HCN1: variants seen among roughly 807,000 people sequenced by gnomAD.
The protein encoded by HCN1 is hyperpolarization activated cyclic nucleotide gated potassium channel 1.
A neutral mutation model predicts 78.9 loss-of-function variants in HCN1; 13 were observed. The ratio of observed to expected loss-of-function variants is 0.16; its 90% CI spans 0.11 to 0.26. The LOEUF is 0.26. Among genes scored for constraint, HCN1 ranks in the 10% least tolerant of loss-of-function variants. HCN1 has a pLI of 1.00. For missense variants in HCN1, 810 were observed against 1,154.3 expected (o/e 0.70, Z 4.32); for synonymous variants, 552 against 455.5 (o/e 1.21, Z -2.70).
intron 6 of HCN1, among the ~76,000 whole-genome samples, chr5:45,277,713 A>G (rs1185351026): frequency 1.3e-5 from 2 of 152,140 alleles, no homozygotes; most frequent in African/African-American, 4.8e-5. Flanking sequence ...TGGTTCAACC[A>G]GGATTGATGC....
At chr5:45,658,846 T>G (rs1377883995) in intron 1 of HCN1, among the ~76,000 whole-genome samples, 1 of 149,988 alleles carries the variant, frequency 6.7e-6, no homozygotes, top group Non-Finnish European at 1.5e-5. Context: ...CAGTCTGAGA[T>G]CAAACTGCAA....
rs149834702 is a variant in HCN1 at position 45,626,489 on chromosome 5, T to C, written c.849+18696A>G. On this transcript the variant is annotated intron_variant, in intron 2 of 7. Transcript: ENST00000303230. ...AGACAGAGTAGCAAAGCAGTAAACA[T>C]ATAAATAAAACCATTCTAAATGCCA... 4.7e-4 allele frequency among the ~76,000 whole-genome samples: 71 copies of C among 152,140 alleles called. 1 individual carries two copies. The highest frequency in any genetic ancestry group is 3.7e-3 in the South Asian group (18 of 4,824).
At chr5:45,482,820 C>T (rs1204118981) in intron 2 of HCN1, among the ~76,000 whole-genome samples, 1 of 152,084 alleles carries the variant, frequency 6.6e-6, no homozygotes, top group Non-Finnish European at 1.5e-5. Context: ...CATGTGTGCT[C>T]AATATTTAGC....
chr5:45,564,759 T>A (rs1743673804), intron 2 of HCN1, among the ~76,000 whole-genome samples: 2 of 152,148 alleles, frequency 1.3e-5, no homozygotes, highest in Non-Finnish European at 2.9e-5. Flanking sequence ...GAACATGAGA[T>A]GATAAAAAGG....
chr5:45,383,082 A>G (rs1462660493), intron 4 of HCN1, among the ~76,000 whole-genome samples: 1 of 152,216 alleles, frequency 6.6e-6, no homozygotes, highest in Non-Finnish European at 1.5e-5. Context: ...AGAGATGAAG[A>G]AAATGAGTCT....
chr5:45,400,146 T>A (rs1739763063), intron 3 of HCN1, among the ~76,000 whole-genome samples: 4 of 152,098 alleles, frequency 2.6e-5, no homozygotes, highest in Admixed American at 2.6e-4. Context: ...CTTGAGGTAT[T>A]TAGATAAAAT....
At chr5:45,457,476 T>C (rs1741050562) in intron 3 of HCN1, among the ~76,000 whole-genome samples, 1 of 152,134 alleles carries the variant, frequency 6.6e-6, no homozygotes, top group Non-Finnish European at 1.5e-5. Flanking sequence ...TTCAGACTTA[T>C]TTCTTGAATG....
chr5:45,371,392 T>C (rs1194192844), intron 4 of HCN1, among the ~76,000 whole-genome samples: 2 of 151,500 alleles, frequency 1.3e-5, no homozygotes, highest in Admixed American at 6.6e-5. Flanking sequence ...GCTAGACTAA[T>C]AAAGAAATAA....
intron 3 of HCN1, among the ~76,000 whole-genome samples, chr5:45,446,983 C>T (rs944726444): frequency 4.6e-5 from 7 of 151,616 alleles, no homozygotes; most frequent in African/African-American, 1.5e-4. Flanking sequence ...CATCAACTAA[C>T]GAGCAAAATA....
chr5:45,356,754 C>T (rs184928382), intron 4 of HCN1, among the ~76,000 whole-genome samples: 1 of 151,962 alleles, frequency 6.6e-6, no homozygotes, highest in Non-Finnish European at 1.5e-5. Flanking sequence ...TAAAAAAACT[C>T]CCTCGTTCAC....
intron 3 of HCN1, among the ~76,000 whole-genome samples, chr5:45,424,013 T>C (rs897723233): frequency 6.6e-6 from 1 of 150,594 alleles, no homozygotes; most frequent in African/African-American, 2.4e-5. Context: ...CGGTGGCTCA[T>C]GCCTGTAATC....
chr5:45,432,871 A>T (rs1740490732), intron 3 of HCN1, among the ~76,000 whole-genome samples: 2 of 152,158 alleles, frequency 1.3e-5, no homozygotes, highest in Admixed American at 1.3e-4. Flanking sequence ...GCAGTTTCAC[A>T]TGGCTAGGGA....
rs905822595 is a variant in HCN1, at chr5:45,258,401, C to A, written c.*3520G>T. Reference sequence around the variant, plus strand: ...TTAAGTTTATAAATTGCAAAATAACCATCTCTTTAAAGTGGAACAGCATTC... The same window carrying A: ...TTAAGTTTATAAATTGCAAAATAACAATCTCTTTAAAGTGGAACAGCATTC... On this transcript the variant is annotated 3_prime_UTR_variant, in exon 8 of 8. Coordinates refer to ENST00000303230, the MANE Select transcript of HCN1 (RefSeq NM_021072.4). The A allele has an allele frequency of 2.6e-5, 4 of 152,094 alleles. No homozygotes were observed. The highest frequency in any genetic ancestry group is 5.9e-5 in the Non-Finnish European group (4 of 67,988). The allele number at this position is 152,094 out of a possible 1,614,324, so 9.4% of individuals were successfully genotyped here.
chr5:45,405,148 C>T (rs959380741), intron 3 of HCN1, among the ~76,000 whole-genome samples: 2 of 152,020 alleles, frequency 1.3e-5, no homozygotes, highest in Non-Finnish European at 2.9e-5. Context: ...TTCCTGCAGT[C>T]ATTGCATAAA....
chr5:45,376,351 G>T (rs13188682), intron 4 of HCN1, among the ~76,000 whole-genome samples: 71,038 of 99,432 alleles, frequency 0.71, 21,872 homozygotes, highest in East Asian at 0.82. Context: ...TATATATATA[G>T]AGAGAGAGAG....
intron 5 of HCN1, among the ~76,000 whole-genome samples, chr5:45,306,017 T>G (rs2111908729): frequency 6.6e-6 from 1 of 152,150 alleles, no homozygotes; most frequent in African/African-American, 2.4e-5. Context: ...AAAAATTTGT[T>G]TTTACTATTT....
chr5:45,404,073 C>T (rs1201898803), intron 3 of HCN1, among the ~76,000 whole-genome samples: 1 of 152,132 alleles, frequency 6.6e-6, no homozygotes, highest in East Asian at 1.9e-4. Context: ...TTATTTTAAT[C>T]TACTACCATT....
intron 5 of HCN1, among the ~76,000 whole-genome samples, chr5:45,313,015 G>A (rs1405289139): frequency 6.6e-6 from 1 of 152,178 alleles, no homozygotes; most frequent in Non-Finnish European, 1.5e-5. Flanking sequence ...TTTGAAGACA[G>A]TAGTGGTTCT....
chr5:45,426,865 G>A (rs780881641), intron 3 of HCN1, among the ~76,000 whole-genome samples: 1 of 152,008 alleles, frequency 6.6e-6, no homozygotes, highest in African/African-American at 2.4e-5. Flanking sequence ...TTAAACTATA[G>A]TGTAGACAAA....
Sources: gnomAD v4.1 joint callset for allele counts (sites outside exome capture counted in the v4.1 genomes callset) on GRCh38, gnomAD v4.1.1 for gene constraint, MANE v1.5 for transcripts, NCBI Gene and HGNC (gene_info 2026-07-23, HGNC 2026-07-21) for gene names.